HMCN2: variants seen among roughly 807,000 people sequenced by gnomAD.
The protein encoded by HMCN2 is hemicentin-2.
Under a neutral mutation model 377.5 loss-of-function variants are expected in HMCN2, and 325 were observed. The observed-to-expected ratio is 0.86, with a 90% confidence interval of 0.79 to 0.94. The LOEUF (loss-of-function observed/expected upper bound fraction) is 0.94. Ranked by LOEUF, HMCN2 falls within the 40% of genes least tolerant of loss-of-function variation. HMCN2 has a pLI of 0.00. For synonymous variants in HMCN2, 2,007 were observed against 2,046.8 expected (o/e 0.98, Z 0.53); for missense variants, 4,543 against 4,725.3 (o/e 0.96, Z 1.13).
chr9:130,312,544 CT>C (rs1837311171), intron 15 of HMCN2, among the ~76,000 whole-genome samples: 8 of 9,642 alleles, frequency 8.3e-4, no homozygotes, highest in African/African-American at 2.9e-3. Flanking sequence ...TCCCTCCTTT[CT>C]TTCTTTCTTT....
At chr9:130,324,677 T>A (rs1299472616) in intron 19 of HMCN2, among the ~76,000 whole-genome samples, 1 of 152,108 alleles carries the variant, frequency 6.6e-6, no homozygotes, top group African/African-American at 2.4e-5. Context: ...CAGGCTGGAG[T>A]GCAGTGGCGC....
At position 130,427,570 on chromosome 9, in the gene HMCN2, C is replaced by T; in HGVS notation, c.14016C>T (p.Cys4672=). The change falls in exon 92 of 98, where the codon TGC becomes TGT. Residue 4672 remains cysteine, a synonymous_variant. Transcript: ENST00000683500. ...ACLNAPGRFS[C]TCPTGFALAW... is the part of the protein sequence containing the mutation. ...TTAATGCACCCGGCCGCTTCTCCTG[C>T]ACCTGCCCCACTGGCTTCGCCCTGG... is the stretch of plus-strand genomic sequence containing the variant. 3 of 1,550,518 alleles carry T rather than the reference C, an allele frequency of 1.9e-6. No homozygotes were observed. Among genetic ancestry groups the T allele is most frequent in the African/African-American group, 1.4e-5 (1 of 73,178 alleles).
intron 85 of HMCN2, among the ~76,000 whole-genome samples, chr9:130,415,825 T>G (rs1843654356): frequency 1.3e-5 from 2 of 152,188 alleles, no homozygotes; most frequent in Non-Finnish European, 2.9e-5. Flanking sequence ...GGGTCCCTGC[T>G]CTTCTCAGCC....
chr9:130,372,445 C>T, intron 47 of HMCN2, 38 bp downstream of exon 47: 1 of 809,572 alleles, frequency 1.2e-6, no homozygotes, highest in Non-Finnish European at 1.5e-6. Flanking sequence ...GCCCTATGAA[C>T]TCTTCCCCAC....
chr9:130,360,343 C>G lies in HMCN2; in HGVS notation c.5774-85C>G. On this transcript the variant is annotated intron_variant, in intron 37 of 97. Coordinates refer to ENST00000683500, the MANE Select transcript of HMCN2 (RefSeq NM_001291815.2). The surrounding 1 kb of genome is among the most constrained non-coding windows in gnomAD (Gnocchi z 4.7). ...CTCTCTTCCTTTCCCCCTTGCATCTCTCTTCCTTTCCCCCTTACTTCTCTC... is the reference window on the plus strand; with the variant it reads ...CTCTCTTCCTTTCCCCCTTGCATCTGTCTTCCTTTCCCCCTTACTTCTCTC... 1.3e-6 allele frequency: 1 copy of G among 774,242 alleles called. No individual in the cohort carries two copies. The highest frequency in any genetic ancestry group is 1.7e-6 in the Non-Finnish European group (1 of 583,908). 48.0% of individuals were successfully genotyped at this position (774,242 alleles called of 1,614,324 possible). A position where few individuals can be genotyped will look rare whatever the true frequency, so the allele number is the denominator to read the frequency against.
intron 82 of HMCN2, 133 bp downstream of exon 82, chr9:130,406,301 C>A: frequency 1.4e-6 from 1 of 733,406 alleles, no homozygotes; most frequent in Non-Finnish European, 2.0e-6. Flanking sequence ...CTGGGTCTTC[C>A]AACGTGGCCC....
Position 130,349,082 on chromosome 9 carries a change from A to G in HMCN2, c.4254A>G (p.Ala1418=). The G allele has an allele frequency of 1.5e-6, 2 of 1,304,268 alleles. No homozygotes were observed. The highest frequency in any genetic ancestry group is 2.0e-6 in the Non-Finnish European group (2 of 988,934). 80.8% of individuals were successfully genotyped at this position (1,304,268 alleles called of 1,614,324 possible). The change falls in exon 28 of 98, where the codon GCA becomes GCG. Residue 1418 remains alanine (A), a synonymous_variant. Coordinates refer to ENST00000683500, the MANE Select transcript of HMCN2 (RefSeq NM_001291815.2). The part of the protein sequence containing the change: ...EGDSGLYSCR[A]ENQAGTAQRD... ...ATTCTGGGCTCTACTCCTGCCGGGC[A>G]GAGAACCAGGCTGGCACCGCCCAGA...
chr9:130,283,189 C>G (rs1271280734), intron 1 of HMCN2, among the ~76,000 whole-genome samples: 3 of 152,162 alleles, frequency 2.0e-5, no homozygotes, highest in Admixed American at 6.5e-5. Context: ...TCCTCAGGAT[C>G]CCCGGAACGC....
intron 23 of HMCN2, among the ~76,000 whole-genome samples, chr9:130,339,393 ACACCCCATT>A (rs1295030975): frequency 1.3e-5 from 2 of 152,108 alleles, no homozygotes; most frequent in Non-Finnish European, 2.9e-5. Flanking sequence ...ATCTAAGCTC[ACACCCCATT>A]TTACAGGTGG....
intron 66 of HMCN2, among the ~76,000 whole-genome samples, chr9:130,392,777 A>G (rs1842389164): frequency 6.6e-6 from 1 of 152,088 alleles, no homozygotes; most frequent in East Asian, 1.9e-4. Flanking sequence ...CGGGCAGATT[A>G]CAAGGTCAGG....
At chr9:130,374,194 G>A (rs1199112236) in intron 48 of HMCN2, among the ~76,000 whole-genome samples, 2 of 150,554 alleles carry the variant, frequency 1.3e-5, no homozygotes, top group African/African-American at 4.8e-5. Flanking sequence ...TGAATGGATG[G>A]TTGGATGGAT....
At chr9:130,326,787 A>G (rs1838154856) in intron 21 of HMCN2, among the ~76,000 whole-genome samples, 1 of 152,146 alleles carries the variant, frequency 6.6e-6, no homozygotes, top group African/African-American at 2.4e-5. Context: ...GAAGGGTACC[A>G]TGCTGTTTCT....
chr9:130,385,648 A>C lies in HMCN2; in HGVS notation c.9195A>C (p.Thr3065=). The C allele has an allele frequency of 7.7e-7, 1 of 1,304,222 alleles. No individual in the cohort carries two copies. 80.8% of individuals were successfully genotyped at this position (1,304,222 alleles called of 1,614,324 possible). The part of the protein sequence containing the change: ...VGDKAVLSCE[T]DALPEPTVTW... ...ACAAAGCTGTCCTGAGCTGCGAGACAGATGCGCTCCCTGAGCCAACTGTGA... is the reference window on the plus strand; with the variant it reads ...ACAAAGCTGTCCTGAGCTGCGAGACCGATGCGCTCCCTGAGCCAACTGTGA... Residue 3065 remains threonine (T), a synonymous_variant, in exon 60 of 98, where the codon ACA becomes ACC. Transcript: ENST00000683500.
At position 130,394,186 on chromosome 9, in the gene HMCN2, C is replaced by T. The variant is rs1030651424; in HGVS notation, c.10501+178C>T. Among the ~76,000 whole-genome samples, 3 of 152,092 alleles carry T rather than the reference C, an allele frequency of 2.0e-5. No homozygotes were observed. The highest frequency in any genetic ancestry group is 6.5e-5 in the Admixed American group (1 of 15,272). On this transcript the variant is annotated intron_variant, in intron 68 of 97. Coordinates refer to ENST00000683500, the MANE Select transcript of HMCN2 (RefSeq NM_001291815.2). This position sits in a 1 kb window ranked among gnomAD's most constrained non-coding sequence, Gnocchi z 5.1. Reference sequence around the variant, plus strand: ...ATGCCTCTCTCACCTTCCTTGCCTGCGGGGAGTGGGTGGCCGGGCTTTGAT... The same window carrying T: ...ATGCCTCTCTCACCTTCCTTGCCTGTGGGGAGTGGGTGGCCGGGCTTTGAT...
intron 1 of HMCN2, among the ~76,000 whole-genome samples, chr9:130,267,267 A>C (rs1465200225): frequency 2.0e-5 from 3 of 151,694 alleles, no homozygotes; most frequent in African/African-American, 7.3e-5. Flanking sequence ...TTTAATGGAA[A>C]ATTTCAAACT....
At chr9:130,338,375 AC>A (rs1838869254) in intron 23 of HMCN2, 1 of 152,132 alleles carries the variant, frequency 6.6e-6, no homozygotes, top group Non-Finnish European at 1.5e-5. Flanking sequence ...TCTGCCTGGT[AC>A]GCGAGGCCCA....
chr9:130,340,067 A>C (rs1462049035), intron 23 of HMCN2, among the ~76,000 whole-genome samples: 2 of 152,228 alleles, frequency 1.3e-5, no homozygotes, highest in Non-Finnish European at 2.9e-5. Flanking sequence ...CAAGTCATAT[A>C]ACCTTTCTGA....
chr9:130,413,685 T>C (rs1252752783), intron 85 of HMCN2, among the ~76,000 whole-genome samples: 1 of 152,092 alleles, frequency 6.6e-6, no homozygotes, highest in African/African-American at 2.4e-5. Flanking sequence ...GGCCGCATAC[T>C]TGAGAAGCCA....
rs972964475 is a variant in HMCN2 at position 130,348,377 on chromosome 9, C to T, written c.4025-168C>T. 19 of 925,386 alleles carry T rather than the reference C, an allele frequency of 2.1e-5. No homozygotes were observed. In the African/African-American group the frequency reaches 3.2e-4, roughly 16 times the overall value. The allele number at this position is 925,386 out of a possible 1,614,324, so 57.3% of individuals were successfully genotyped here. On this transcript the variant is annotated intron_variant, in intron 26 of 97. Transcript: ENST00000683500. ...GTGTGTGGGTCCCAGGGCAAGGCTG[C>T]TGCGGCCATCTGCAGGTCCACAGGA...
Sources: allele counts gnomAD v4.1 joint callset (sites outside exome capture counted in the v4.1 genomes callset), GRCh38; gene constraint gnomAD v4.1.1; non-coding constraint Gnocchi (gnomAD v3.1); transcripts MANE v1.5; gene names NCBI Gene and HGNC (gene_info 2026-07-23, HGNC 2026-07-21).